CNOT2: variants seen among roughly 807,000 people sequenced by gnomAD.
CNOT2 encodes CC chemokine receptor 4-negative regulator of transcription 2.
Under a neutral mutation model 72.1 loss-of-function variants are expected in CNOT2, and 7 were observed. The observed-to-expected ratio is 0.10, with a 90% confidence interval of 0.06 to 0.18. CNOT2 has a LOEUF of 0.18. Among genes scored for constraint, CNOT2 ranks in the 10% least tolerant of loss-of-function variants. The pLI, the probability that CNOT2 is intolerant of heterozygous loss-of-function variation, is 1.00. For synonymous variants in CNOT2, 196 were observed against 225.6 expected (o/e 0.87, Z 1.17); for missense variants, 345 against 660.3 (o/e 0.52, Z 5.23).
At chr12:70,320,397 C>T (rs1227485518) in intron 4 of CNOT2, among the ~76,000 whole-genome samples, 1 of 151,576 alleles carries the variant, frequency 6.6e-6, no homozygotes, top group Admixed American at 6.6e-5. Context: ...GCATGGTTTC[C>T]ATTTACTTTT....
At chr12:70,350,003 AT>A (rs569195970) in intron 15 of CNOT2, among the ~76,000 whole-genome samples, 34 of 145,040 alleles carry the variant, frequency 2.3e-4, no homozygotes, top group African/African-American at 2.5e-4. Context: ...GCCAGATCCT[AT>A]TTTTTTTTTT....
chr12:70,253,240 G>A (rs1958238615), intron 1 of CNOT2, among the ~76,000 whole-genome samples: 1 of 152,156 alleles, frequency 6.6e-6, no homozygotes, highest in Non-Finnish European at 1.5e-5. Flanking sequence ...CCTGAATAGT[G>A]CAGAGTTAGT....
intron 15 of CNOT2, among the ~76,000 whole-genome samples, chr12:70,348,348 T>C (rs1882460995): frequency 6.6e-6 from 1 of 152,198 alleles, no homozygotes; most frequent in Non-Finnish European, 1.5e-5. Flanking sequence ...CCATCATTTA[T>C]GATTTAGTGA....
At chr12:70,254,766 G>A (rs1210857264) in intron 1 of CNOT2, among the ~76,000 whole-genome samples, 1 of 151,984 alleles carries the variant, frequency 6.6e-6, no homozygotes. Context: ...TGGATTGTAA[G>A]TTTTAGGAGT....
At chr12:70,259,035 A>G (rs189495242) in intron 1 of CNOT2, among the ~76,000 whole-genome samples, 2 of 152,350 alleles carry the variant, frequency 1.3e-5, no homozygotes, top group East Asian at 1.9e-4. Context: ...TACCTTGTAT[A>G]TACTCTTCAC....
At chr12:70,343,180 C>T (rs1881730516) in intron 13 of CNOT2, among the ~76,000 whole-genome samples, 1 of 152,138 alleles carries the variant, frequency 6.6e-6, no homozygotes, top group Non-Finnish European at 1.5e-5. Flanking sequence ...TGTTCCAGAA[C>T]CTTTTCTTAT....
rs550310149 is a variant in CNOT2, at chr12:70,287,489, C to T, written c.48+9215C>T. ...CTAGTTATCTTTTTGTTGCTGATTT[C>T]TCATATAATTCCATTTTGGTTCAAG... On this transcript the variant is annotated intron_variant, in intron 2 of 15. Transcript: ENST00000229195. Among the ~76,000 whole-genome samples, 3 of 149,486 alleles carry T rather than the reference C, an allele frequency of 2.0e-5. 1 individual carries two copies. The South Asian group carries it at 6.5e-4, about 33-fold the overall frequency.
rs757604498 is a variant in CNOT2 at position 70,338,724 on chromosome 12, G to C, written c.1080G>C (p.Leu360=). The change falls in exon 11 of 16, where the codon CTG becomes CTC. Residue 360 remains leucine, a synonymous_variant. Coordinates refer to ENST00000229195, the MANE Select transcript of CNOT2 (RefSeq NM_014515.7). ...CGGACCAATTTGGAATGATTGGCCT[G>C]TTAACATTTATCAGGGCAGCAGAGA... ...MVTDQFGMIG[L]LTFIRAAETD... 3 of 1,613,334 alleles carry C rather than the reference G, an allele frequency of 1.9e-6. No homozygotes were observed. The East Asian group carries it at 6.7e-5, about 36-fold the overall frequency.
chr12:70,314,183 A>G (rs1162170661), intron 3 of CNOT2, among the ~76,000 whole-genome samples: 2 of 152,226 alleles, frequency 1.3e-5, no homozygotes, highest in Non-Finnish European at 1.5e-5. Flanking sequence ...CCTATGGAAT[A>G]CTTTGTGTAG....
At chr12:70,332,272 G>A (rs1182589838) in intron 6 of CNOT2, 1 of 151,864 alleles carries the variant, frequency 6.6e-6, no homozygotes, top group African/African-American at 2.4e-5. Flanking sequence ...GGAGGAGTAT[G>A]ACATAAACTC....
chr12:70,317,717 A>ATG (rs2135979503), intron 3 of CNOT2, among the ~76,000 whole-genome samples: 1 of 143,226 alleles, frequency 7.0e-6, no homozygotes, highest in East Asian at 2.1e-4. Flanking sequence ...AGAGTTACTG[A>ATG]TGTGTACCAT....
At chr12:70,245,666 A>T (rs773520732) in intron 1 of CNOT2, among the ~76,000 whole-genome samples, 2 of 152,174 alleles carry the variant, frequency 1.3e-5, no homozygotes, top group Admixed American at 6.5e-5. Flanking sequence ...TGAGTGATTT[A>T]TATCCCCAAG....
chr12:70,247,361 G>C (rs1386427776), intron 1 of CNOT2, among the ~76,000 whole-genome samples: 3 of 151,948 alleles, frequency 2.0e-5, no homozygotes, highest in Admixed American at 6.5e-5. Context: ...TCACCATGTT[G>C]GTCAGGCATG....
chr12:70,350,564 T>A (rs1882741809), intron 15 of CNOT2, among the ~76,000 whole-genome samples: 1 of 152,240 alleles, frequency 6.6e-6, no homozygotes, highest in African/African-American at 2.4e-5. Context: ...CAACATGGTG[T>A]CACAAGTGGA....
intron 2 of CNOT2, among the ~76,000 whole-genome samples, chr12:70,306,851 G>A (rs75201392): frequency 6.6e-6 from 1 of 152,130 alleles, no homozygotes; most frequent in Admixed American, 6.5e-5. Context: ...TTGTGAATGT[G>A]GACCATACTT....
intron 2 of CNOT2, among the ~76,000 whole-genome samples, chr12:70,290,554 C>A (rs1476829847): frequency 1.8e-4 from 28 of 152,126 alleles, no homozygotes; most frequent in Non-Finnish European, 1.5e-5. Context: ...TCCTGCACGG[C>A]CTGATATCCT....
At chr12:70,338,628 T>C (rs1282860419) in intron 10 of CNOT2, 38 bp from the exon 11 acceptor site, 4 of 1,596,124 alleles carry the variant, frequency 2.5e-6, no homozygotes, top group Non-Finnish European at 2.6e-6. Context: ...TTTTAACTTT[T>C]TCTTGAAAAT....
At chr12:70,352,976 G>A (rs2136101121) in intron 15 of CNOT2, among the ~76,000 whole-genome samples, 1 of 151,702 alleles carries the variant, frequency 6.6e-6, no homozygotes, top group Non-Finnish European at 1.5e-5. Flanking sequence ...TTTGAGTCAG[G>A]GTTTTGGGTT....
At chr12:70,299,262 G>T (rs1202746958) in intron 2 of CNOT2, among the ~76,000 whole-genome samples, 1 of 151,810 alleles carries the variant, frequency 6.6e-6, no homozygotes, top group Non-Finnish European at 1.5e-5. Flanking sequence ...TAAGGTACAT[G>T]TGCACAACGT....
Sources: allele counts gnomAD v4.1 joint callset (sites outside exome capture counted in the v4.1 genomes callset), GRCh38; gene constraint gnomAD v4.1.1; transcripts MANE v1.5; gene names NCBI Gene and HGNC (gene_info 2026-07-23, HGNC 2026-07-21).